SLCO1B3: variants seen among roughly 807,000 people sequenced by gnomAD.
SLCO1B3 encodes the protein liver-specific organic anion transporter 2.
A neutral mutation model predicts 71.8 loss-of-function variants in SLCO1B3; 72 were observed. That is an observed-to-expected ratio of 1.00 (90% CI 0.83 to 1.22). The LOEUF is 1.22. Among genes scored for constraint, SLCO1B3 ranks in the 50% most tolerant of loss-of-function variants. SLCO1B3 has a pLI of 0.00. For synonymous variants in SLCO1B3, 298 were observed against 278.4 expected (o/e 1.07, Z -0.70); for missense variants, 911 against 819.7 (o/e 1.11, Z -1.36).
chr12:20,879,632 G>C lies in SLCO1B3; in HGVS notation c.1331+1G>C. 1 of 1,588,826 alleles carries C rather than the reference G, an allele frequency of 6.3e-7. No homozygotes were observed. Among genetic ancestry groups the C allele is most frequent in the South Asian group, 1.1e-5 (1 of 89,310 alleles). On this transcript the variant is annotated splice_donor_variant, in intron 11 of 15. Coordinates refer to ENST00000381545, the MANE Select transcript of SLCO1B3 (RefSeq NM_019844.4). LOFTEE classifies it high-confidence loss of function. ...CCGGCCTAACCTTGACCTATGATGG[G>C]TTTGTATATATTGCTATATAAATTG...
intron 11 of SLCO1B3, among the ~76,000 whole-genome samples, chr12:20,880,308 ATT>A (rs1865664203): frequency 6.6e-6 from 1 of 151,484 alleles, no homozygotes; most frequent in South Asian, 2.1e-4. Flanking sequence ...ATTATTCTTG[ATT>A]TTTTATTCCT....
At chr12:20,813,116 T>A (rs1196932625) in intron 1 of SLCO1B3, among the ~76,000 whole-genome samples, 1 of 152,154 alleles carries the variant, frequency 6.6e-6, no homozygotes, top group Non-Finnish European at 1.5e-5. Flanking sequence ...ATGAGTGTAT[T>A]TATATACACT....
chr12:20,915,765 C>T lies in SLCO1B3; in HGVS notation c.1866-239C>T, dbSNP rs11045597. Among the ~76,000 whole-genome samples the T allele has an allele frequency of 0.27, 41,373 of 151,828 alleles. 6,148 individuals carry two copies. Among genetic ancestry groups the T allele is most frequent in the Middle Eastern group, 0.36 (105 of 294 alleles). On this transcript the variant is annotated intron_variant, in intron 15 of 15. Transcript: ENST00000381545. Reference sequence around the variant, plus strand: ...GGGGGCTGGAGTTATGTATTTTCCTCCCTCCCAAAGGAAGGCTAGAGACAG... The same window carrying T: ...GGGGGCTGGAGTTATGTATTTTCCTTCCTCCCAAAGGAAGGCTAGAGACAG...
chr12:20,888,653 T>G (rs1188004025), intron 13 of SLCO1B3, among the ~76,000 whole-genome samples: 1 of 151,986 alleles, frequency 6.6e-6, no homozygotes, highest in Non-Finnish European at 1.5e-5. Flanking sequence ...ATTCAAATTC[T>G]TCTTTTCCCA....
Position 20,817,618 on chromosome 12 carries a change from C to T in SLCO1B3, c.84+1796C>T, listed in dbSNP as rs541733445. Among the ~76,000 whole-genome samples the T allele has an allele frequency of 1.9e-3, 296 of 152,018 alleles. 1 individual carries two copies. The Middle Eastern group carries it at 0.034, about 17-fold the overall frequency. The stretch of plus-strand genomic sequence containing the variant: ...ATAATTTTTTTTTGAGATGGAGTCT[C>T]GCTCTGTCACCCAGGCTGGAGTGCA... On this transcript the variant is annotated intron_variant, in intron 3 of 15. Transcript: ENST00000381545.
At chr12:20,851,511 A>G (rs1865025016) in intron 3 of SLCO1B3, among the ~76,000 whole-genome samples, 1 of 151,892 alleles carries the variant, frequency 6.6e-6, no homozygotes. Flanking sequence ...TTTTAGTTGC[A>G]TTATTTGTTT....
At chr12:20,834,782 C>T (rs991077566) in intron 3 of SLCO1B3, among the ~76,000 whole-genome samples, 1 of 152,100 alleles carries the variant, frequency 6.6e-6, no homozygotes, top group Non-Finnish European at 1.5e-5. Flanking sequence ...TCCATGTGCA[C>T]AGTGCAATCC....
At chr12:20,904,535 G>A (rs1866196309) in intron 15 of SLCO1B3, among the ~76,000 whole-genome samples, 1 of 152,064 alleles carries the variant, frequency 6.6e-6, no homozygotes, top group African/African-American at 2.4e-5. Flanking sequence ...CTGGTACTGA[G>A]TGCCTGCAGC....
intron 8 of SLCO1B3, among the ~76,000 whole-genome samples, chr12:20,871,995 C>T (rs1865483982): frequency 6.6e-6 from 1 of 152,124 alleles, no homozygotes; most frequent in South Asian, 2.1e-4. Flanking sequence ...CTCAGGCTGG[C>T]CTACAGATGC....
At chr12:20,868,823 C>T (rs10841682) in intron 8 of SLCO1B3, among the ~76,000 whole-genome samples, 109,583 of 151,472 alleles carry the variant, frequency 0.72, 42,223 homozygotes, top group South Asian at 0.9. Flanking sequence ...GGTAAGGTCA[C>T]GTGGATCACA....
At chr12:20,901,204 T>A in intron 14 of SLCO1B3, 146 bp from the exon 15 acceptor site, 1 of 598,372 alleles carries the variant, frequency 1.7e-6, no homozygotes, top group Non-Finnish European at 2.9e-6. Flanking sequence ...ATAATTTTGA[T>A]TCCTGGGTGG....
At chr12:20,812,293 TAA>T (rs1210486185) in intron 1 of SLCO1B3, among the ~76,000 whole-genome samples, 2 of 151,864 alleles carry the variant, frequency 1.3e-5, no homozygotes, top group East Asian at 3.9e-4. Context: ...TATCTGAACA[TAA>T]AAGAGAGAGG....
rs1866504164 is a variant in SLCO1B3 at position 20,916,535 on chromosome 12, G to A, written c.*288G>A. ...ATAAAACCAGTGACTAGAATATAAG[G>A]GAGGTAAAAAGGACAAGATAGATTA... On this transcript the variant is annotated 3_prime_UTR_variant, in exon 16 of 16. Transcript: ENST00000381545. 4.6e-6 allele frequency: 1 copy of A among 218,224 alleles called. No homozygotes were observed. The highest frequency in any genetic ancestry group is 5.2e-5 in the Admixed American group (1 of 19,336). The allele number at this position is 218,224 out of a possible 1,614,324, so 13.5% of individuals were successfully genotyped here.
intron 13 of SLCO1B3, among the ~76,000 whole-genome samples, chr12:20,896,948 G>A (rs1273988329): frequency 3.9e-5 from 6 of 152,164 alleles, no homozygotes; most frequent in Non-Finnish European, 8.8e-5. Flanking sequence ...GTTTGTGCAG[G>A]AAAACTCTGA....
In SLCO1B3 at chr12:20,830,423, C is replaced by T. The variant is rs376565243; in HGVS notation, c.84+14601C>T. ...GGAAGGAGAGGTGAGGGTATGTTCA[C>T]AATTCTGAATCCACAGGTTGCCAGA... On this transcript the variant is annotated intron_variant, in intron 3 of 15. Transcript: ENST00000381545. 3.3e-5 allele frequency among the ~76,000 whole-genome samples: 5 copies of T among 152,254 alleles called. No homozygotes were observed. In the East Asian group the frequency reaches 9.7e-4, roughly 29 times the overall value.
Position 20,815,696 on chromosome 12 carries a change from C to T in SLCO1B3, c.-43C>T. 2 of 1,251,164 alleles carry T rather than the reference C, an allele frequency of 1.6e-6. No homozygotes were observed. Among genetic ancestry groups the T allele is most frequent in the South Asian group, 2.5e-5 (2 of 78,632 alleles). 77.5% of individuals were successfully genotyped at this position (1,251,164 alleles called of 1,614,324 possible). A position where few individuals can be genotyped will look rare whatever the true frequency, so the allele number is the denominator to read the frequency against. ...CAGGTGATCATTTCAAACCAAGCAT[C>T]AGCAACAATTAAAAATATTCACTTG... On this transcript the variant is annotated 5_prime_UTR_variant, in exon 3 of 16. Transcript: ENST00000381545.
At chr12:20,811,968 C>T (rs919806239) in intron 1 of SLCO1B3, among the ~76,000 whole-genome samples, 7 of 141,456 alleles carry the variant, frequency 4.9e-5, no homozygotes, top group Non-Finnish European at 9.0e-5. Flanking sequence ...AGTGCAATGG[C>T]GTGATTTCAG....
intron 3 of SLCO1B3, among the ~76,000 whole-genome samples, chr12:20,854,541 A>T (rs1470764602): frequency 6.6e-6 from 1 of 152,108 alleles, no homozygotes; most frequent in Non-Finnish European, 1.5e-5. Context: ...TCCTGTTTGC[A>T]TCGGATACCT....
intron 3 of SLCO1B3, among the ~76,000 whole-genome samples, chr12:20,821,866 A>AG (rs1449546367): frequency 6.6e-6 from 1 of 152,218 alleles, no homozygotes; most frequent in Non-Finnish European, 1.5e-5. Context: ...CGTGACCGGC[A>AG]CCGGAGTTTT....
Sources: allele counts gnomAD v4.1 joint callset (sites outside exome capture counted in the v4.1 genomes callset), GRCh38; gene constraint gnomAD v4.1.1; transcripts MANE v1.5; gene names NCBI Gene and HGNC (gene_info 2026-07-23, HGNC 2026-07-21).